Variants in ADAP2 observed in about 807,000 individuals in gnomAD.
ADAP2 encodes ArfGAP with dual PH domains 2.
A neutral mutation model predicts 54.9 loss-of-function variants in ADAP2; 42 were observed. The ratio of observed to expected loss-of-function variants is 0.77; its 90% CI spans 0.60 to 0.99. The LOEUF is 0.99. Ranked by LOEUF, ADAP2 falls within the 50% of genes least tolerant of loss-of-function variation. The pLI is 0.00. For missense variants in ADAP2, 429 were observed against 480.4 expected (o/e 0.89, Z 1.00); for synonymous variants, 177 against 180.1 (o/e 0.98, Z 0.14).
intron 6 of ADAP2, among the ~76,000 whole-genome samples, 192 bp downstream of exon 6, chr17:30,945,245 G>A (rs1297333678): frequency 2.0e-5 from 3 of 152,208 alleles, no homozygotes; most frequent in Admixed American, 2.0e-4. Flanking sequence ...TGAGATCAGG[G>A]AGAGGAACCT....
intron 7 of ADAP2, among the ~76,000 whole-genome samples, chr17:30,950,642 G>C (rs144113073): frequency 1.3e-4 from 20 of 152,282 alleles, no homozygotes; most frequent in Non-Finnish European, 2.2e-4. Context: ...AAGCCTAAAT[G>C]CTCCTTAATT....
rs1404829915 is a variant in ADAP2 at position 30,945,168 on chromosome 17, T to G, written c.657+115T>G. 7 of 1,250,134 alleles carry G rather than the reference T, an allele frequency of 5.6e-6. No individual in the cohort carries two copies. In the East Asian group the frequency reaches 1.7e-4, roughly 31 times the overall value. The allele number at this position is 1,250,134 out of a possible 1,614,324, so 77.4% of individuals were successfully genotyped here. A position where few individuals can be genotyped will look rare whatever the true frequency, so the allele number is the denominator to read the frequency against. On this transcript the variant is annotated intron_variant, in intron 6 of 10. Transcript: ENST00000330889. ...TGTGCTCAGCTGCCTCTTGAGATTT[T>G]CTGCTACCATTTGCCTTAATCTATC... is the stretch of plus-strand genomic sequence containing the variant.
intron 5 of ADAP2, among the ~76,000 whole-genome samples, chr17:30,941,617 T>C (rs1912276266): frequency 6.6e-6 from 1 of 152,244 alleles, no homozygotes; most frequent in African/African-American, 2.4e-5. Flanking sequence ...TTTATTTTGG[T>C]GCAAAACAAT....
chr17:30,936,422 CAAAGTA>C (rs1211270162), intron 5 of ADAP2, among the ~76,000 whole-genome samples: 1 of 152,132 alleles, frequency 6.6e-6, no homozygotes, highest in Non-Finnish European at 1.5e-5. Flanking sequence ...CTCAGCCTCC[CAAAGTA>C]CTAGGATTAT....
intron 1 of ADAP2, 39 bp downstream of exon 1, chr17:30,922,147 C>G (rs1200995053): frequency 4.1e-6 from 5 of 1,214,044 alleles, no homozygotes; most frequent in Non-Finnish European, 5.1e-6. Flanking sequence ...AGACCCCCGG[C>G]CGGACCCCAG....
intron 2 of ADAP2, among the ~76,000 whole-genome samples, chr17:30,923,892 C>T (rs1457678133): frequency 1.3e-5 from 2 of 151,482 alleles, no homozygotes; most frequent in Non-Finnish European, 2.9e-5. Context: ...TTAGCAGAGA[C>T]GGGGTTTTGC....
chr17:30,934,605 C>T (rs1164343518), intron 5 of ADAP2, among the ~76,000 whole-genome samples: 1 of 152,100 alleles, frequency 6.6e-6, no homozygotes, highest in Non-Finnish European at 1.5e-5. Flanking sequence ...GACATTATTC[C>T]AGGCACTGAG....
intron 6 of ADAP2, among the ~76,000 whole-genome samples, chr17:30,945,719 G>A (rs1912614673): frequency 6.6e-6 from 1 of 151,856 alleles, no homozygotes; most frequent in African/African-American, 2.4e-5. Context: ...TCATGCCACT[G>A]CACTCCAAGC....
intron 6 of ADAP2, among the ~76,000 whole-genome samples, chr17:30,948,618 C>T (rs1460567234): frequency 1.3e-5 from 2 of 152,044 alleles, no homozygotes; most frequent in Admixed American, 1.3e-4. Context: ...ATGAGAGGGC[C>T]AGTCAGAGAG....
intron 4 of ADAP2, among the ~76,000 whole-genome samples, chr17:30,932,170 G>A (rs1004150471): frequency 1.3e-5 from 2 of 151,378 alleles, no homozygotes; most frequent in African/African-American, 4.9e-5. Context: ...CAGCAGAGAA[G>A]CTCAGAGCTT....
At position 30,922,965 on chromosome 17, in the gene ADAP2, G is replaced by A. The variant is rs1470071759; in HGVS notation, c.120G>A (p.Leu40=). The A allele has an allele frequency of 6.2e-7, 1 of 1,613,920 alleles. No homozygotes were observed. Among genetic ancestry groups the A allele is most frequent in the East Asian group, 2.2e-5 (1 of 44,870 alleles). The change falls in exon 2 of 11, where the codon CTG becomes CTA. Residue 40 remains leucine (L), a synonymous_variant. Transcript: ENST00000330889. ...ATCCCGACTGGGCCTCTTACAAGCT[G>A]GGGATCTTCATCTGTCTCAACTGCT... ...AADPDWASYK[L]GIFICLNCCG...
chr17:30,946,181 G>C (rs1198132127), intron 6 of ADAP2, among the ~76,000 whole-genome samples: 1 of 151,822 alleles, frequency 6.6e-6, no homozygotes, highest in Admixed American at 6.6e-5. Flanking sequence ...CAAAAAAACT[G>C]CATTGTAACG....
chr17:30,924,829 T>C (rs533211613), intron 2 of ADAP2, among the ~76,000 whole-genome samples: 1 of 152,282 alleles, frequency 6.6e-6, no homozygotes, highest in African/African-American at 2.4e-5. Context: ...AGGATTTTAT[T>C]TGCACCTTAT....
At chr17:30,940,096 A>C (rs1469948640) in intron 5 of ADAP2, among the ~76,000 whole-genome samples, 1 of 151,444 alleles carries the variant, frequency 6.6e-6, no homozygotes, top group East Asian at 2.0e-4. Context: ...CGAGTAGCTG[A>C]GACTTCAGGC....
chr17:30,922,383 G>C (rs1280154243), intron 1 of ADAP2, among the ~76,000 whole-genome samples: 5 of 152,152 alleles, frequency 3.3e-5, no homozygotes, highest in Non-Finnish European at 7.4e-5. Flanking sequence ...CCGGACACGA[G>C]AGCCGGCAGC....
intron 7 of ADAP2, among the ~76,000 whole-genome samples, chr17:30,953,058 A>AAACC (rs1359950438): frequency 7.2e-5 from 11 of 152,154 alleles, no homozygotes; most frequent in African/African-American, 2.7e-4. Context: ...AGGAATCCTT[A>AAACC]AACCAAAACT....
chr17:30,937,072 C>T (rs974641513), intron 5 of ADAP2, among the ~76,000 whole-genome samples: 44 of 151,896 alleles, frequency 2.9e-4, no homozygotes, highest in African/African-American at 9.4e-4. Flanking sequence ...GGATTACAGG[C>T]GCGCACCACC....
chr17:30,930,713 T>C (rs1911409857), intron 3 of ADAP2, among the ~76,000 whole-genome samples: 1 of 152,146 alleles, frequency 6.6e-6, no homozygotes, highest in Non-Finnish European at 1.5e-5. Flanking sequence ...GATGCCCAGC[T>C]CTAGGTCATT....
chr17:30,953,110 G>A (rs1039584325), intron 7 of ADAP2, among the ~76,000 whole-genome samples, 178 bp from the exon 8 acceptor site: 2 of 152,082 alleles, frequency 1.3e-5, no homozygotes, highest in South Asian at 2.1e-4. Flanking sequence ...GGGTGCTGTC[G>A]ACTGGCTTTG....
Sources: gnomAD v4.1 joint callset for allele counts (sites outside exome capture counted in the v4.1 genomes callset) on GRCh38, gnomAD v4.1.1 for gene constraint, MANE v1.5 for transcripts, NCBI Gene and HGNC (gene_info 2026-07-23, HGNC 2026-07-21) for gene names.